The following PTPRT variants were observed in gnomAD, a reference collection of about 807,000 sequenced individuals.
The protein encoded by PTPRT is protein tyrosine phosphatase receptor type T.
A neutral mutation model predicts 176.8 loss-of-function variants in PTPRT; 56 were observed. The ratio of observed to expected loss-of-function variants is 0.32; its 90% CI spans 0.26 to 0.40. The LOEUF is 0.40. PTPRT is among the 10% of genes least tolerant of loss of function. PTPRT has a pLI of 1.00. For missense variants in PTPRT, 1,540 were observed against 1,908.2 expected, an observed-to-expected ratio of 0.81 and a Z score of 3.60; for synonymous variants, 783 against 739.0, an observed-to-expected ratio of 1.06 and a Z score of -0.96.
intron 1 of PTPRT, among the ~76,000 whole-genome samples, chr20:43,187,281 A>T (rs1345971306): frequency 1.3e-5 from 2 of 152,212 alleles, no homozygotes; most frequent in Non-Finnish European, 2.9e-5. Context: ...TTAGTTTTAA[A>T]ATGTATTTGT....
At chr20:42,693,378 G>T (rs1207489370) in intron 6 of PTPRT, among the ~76,000 whole-genome samples, 1 of 152,092 alleles carries the variant, frequency 6.6e-6, no homozygotes, top group Non-Finnish European at 1.5e-5. Context: ...ATATAAAAAT[G>T]CAAAAGGCCA....
At chr20:42,051,377 C>T in the PTPRT span, among the ~76,000 whole-genome samples, 1 of 152,060 alleles carries the variant, frequency 6.6e-6, no homozygotes, top group African/African-American at 2.4e-5. Context: ...GCGTGGTGAC[C>T]CCAGGAAGCT....
intron 17 of PTPRT, among the ~76,000 whole-genome samples, chr20:42,157,950 C>T (rs550809641): frequency 1.3e-5 from 2 of 151,896 alleles, no homozygotes; most frequent in East Asian, 3.9e-4. Flanking sequence ...AGTGGACAAT[C>T]CCAGCTGAAA....
At chr20:43,035,653 A>G (rs1421900150) in intron 1 of PTPRT, among the ~76,000 whole-genome samples, 1 of 152,240 alleles carries the variant, frequency 6.6e-6, no homozygotes, top group African/African-American at 2.4e-5. Context: ...CCAGATGAAC[A>G]AAGGTAACTA....
chr20:42,902,608 G>A (rs2079420895), intron 1 of PTPRT, among the ~76,000 whole-genome samples: 1 of 152,182 alleles, frequency 6.6e-6, no homozygotes, highest in South Asian at 2.1e-4. Flanking sequence ...TTAGATGCCA[G>A]GTACTTTCCA....
At chr20:42,328,755 C>T (rs2057921456) in intron 11 of PTPRT, among the ~76,000 whole-genome samples, 1 of 152,058 alleles carries the variant, frequency 6.6e-6, no homozygotes, top group South Asian at 2.1e-4. Flanking sequence ...ACAAAAAGTT[C>T]AGCTATTAAT....
chr20:43,136,397 A>G (rs904804241), intron 1 of PTPRT, among the ~76,000 whole-genome samples: 3 of 152,258 alleles, frequency 2.0e-5, no homozygotes, highest in Non-Finnish European at 4.4e-5. Context: ...TGCTTGCTAA[A>G]TAAATGACTG....
chr20:43,160,265 G>A (rs867334985), intron 1 of PTPRT, among the ~76,000 whole-genome samples: 1 of 152,146 alleles, frequency 6.6e-6, no homozygotes, highest in Non-Finnish European at 1.5e-5. Flanking sequence ...TCCAACAGCC[G>A]GAATAAATCT....
At chr20:42,592,479 T>A (rs1361856869) in intron 7 of PTPRT, among the ~76,000 whole-genome samples, 1 of 152,186 alleles carries the variant, frequency 6.6e-6, no homozygotes, top group African/African-American at 2.4e-5. Flanking sequence ...TACTGGGCCA[T>A]AGGCCCCACT....
At chr20:42,930,344 A>G (rs1979755897) in intron 1 of PTPRT, among the ~76,000 whole-genome samples, 1 of 152,200 alleles carries the variant, frequency 6.6e-6, no homozygotes, top group Admixed American at 6.5e-5. Context: ...GCCCCTGGAC[A>G]TTCAGCTCCA....
chr20:43,022,897 G>A (rs1676787665), intron 1 of PTPRT, among the ~76,000 whole-genome samples: 2 of 152,130 alleles, frequency 1.3e-5, no homozygotes, highest in Non-Finnish European at 2.9e-5. Flanking sequence ...GACCTGCAGG[G>A]ATTTAAAGGG....
At chr20:42,629,800 A>G (rs146597956) in intron 7 of PTPRT, among the ~76,000 whole-genome samples, 4 of 152,330 alleles carry the variant, frequency 2.6e-5, no homozygotes, top group Non-Finnish European at 5.9e-5. Flanking sequence ...TGACCTGGCA[A>G]TAGGCCAAGG....
chr20:43,002,866 C>A (rs1984651253), intron 1 of PTPRT, among the ~76,000 whole-genome samples: 1 of 150,816 alleles, frequency 6.6e-6, no homozygotes, highest in Non-Finnish European at 1.5e-5. Flanking sequence ...AAGATAAAGG[C>A]AGAAAACAAT....
At chr20:42,477,867 C>G (rs1428938349) in intron 7 of PTPRT, among the ~76,000 whole-genome samples, 2 of 152,170 alleles carry the variant, frequency 1.3e-5, no homozygotes, top group East Asian at 3.9e-4. Context: ...ACAACAGTGG[C>G]CTTGTCCTAT....
At chr20:43,044,860 G>A (rs1986770450) in intron 1 of PTPRT, among the ~76,000 whole-genome samples, 1 of 152,232 alleles carries the variant, frequency 6.6e-6, no homozygotes, top group African/African-American at 2.4e-5. Flanking sequence ...GAAGTGTGCA[G>A]CTGCAGTGTA....
the PTPRT span, among the ~76,000 whole-genome samples, chr20:42,057,104 T>A: frequency 6.6e-6 from 1 of 152,200 alleles, no homozygotes; most frequent in Non-Finnish European, 1.5e-5. Context: ...TATATCTGCC[T>A]CCCGCACATC....
At chr20:42,780,069 C>A (rs562999338) in intron 4 of PTPRT, 149 bp downstream of exon 4, 1 of 700,316 alleles carries the variant, frequency 1.4e-6, no homozygotes, top group Non-Finnish European at 2.5e-6. Context: ...GGACTGATTG[C>A]ATTGAGTATG....
At chr20:42,552,515 C>G (rs6102905) in intron 7 of PTPRT, among the ~76,000 whole-genome samples, 1,928 of 152,148 alleles carry the variant, frequency 0.013, 38 homozygotes, top group African/African-American at 0.044. Flanking sequence ...AAAAATGACA[C>G]CACAATTTAG....
At chr20:42,471,647 T>TG (rs1057470061) in intron 8 of PTPRT, among the ~76,000 whole-genome samples, 20 of 152,098 alleles carry the variant, frequency 1.3e-4, no homozygotes, top group African/African-American at 4.8e-4. Context: ...TCCGGTGTTT[T>TG]TTTTGTTTTG....
Sources: allele counts gnomAD v4.1 joint callset (sites outside exome capture counted in the v4.1 genomes callset), GRCh38; gene constraint gnomAD v4.1.1; transcripts MANE v1.5; gene names NCBI Gene and HGNC (gene_info 2026-07-23, HGNC 2026-07-21).